MSRA: variants seen among roughly 807,000 people sequenced by gnomAD.
MSRA encodes methionine sulfoxide reductase A, also known as mitochondrial peptide methionine sulfoxide reductase.
In MSRA, 54 loss-of-function variants were observed where a neutral mutation model predicts 31.3. That is an observed-to-expected ratio of 1.73 (90% confidence interval 1.39 to 2.17). The LOEUF (loss-of-function observed/expected upper bound fraction) is 2.17, where lower values mean the gene tolerates loss of function less well. MSRA is among the 30% of genes most tolerant of loss of function. The probability of loss-of-function intolerance (pLI) is 0.00; values close to 1 mark genes in which losing one functional copy is unlikely to be tolerated. For missense variants in MSRA, 507 were observed against 300.9 expected, an observed-to-expected ratio of 1.69 and a Z score of -5.07; for synonymous variants, 169 against 116.5, an observed-to-expected ratio of 1.45 and a Z score of -2.90.
At chr8:10,290,504 G>T (rs1311672453) in intron 3 of MSRA, among the ~76,000 whole-genome samples, 3 of 152,136 alleles carry the variant, frequency 2.0e-5, no homozygotes, top group Non-Finnish European at 4.4e-5. Context: ...AGATGCCCAA[G>T]TTCGTGGTTC....
intron 1 of MSRA, among the ~76,000 whole-genome samples, chr8:10,085,274 C>G (rs1438270851): frequency 1.3e-5 from 2 of 152,198 alleles, no homozygotes; most frequent in African/African-American, 4.8e-5. Context: ...TTCCACGTTT[C>G]TGATTTCCAC....
At chr8:10,339,460 TG>T (rs545150603) in intron 5 of MSRA, among the ~76,000 whole-genome samples, 4 of 152,190 alleles carry the variant, frequency 2.6e-5, no homozygotes, top group Admixed American at 1.3e-4. Context: ...ATTCAGTGTC[TG>T]TCCTGTTCTT....
At chr8:10,351,780 C>T (rs1323527906) in intron 5 of MSRA, among the ~76,000 whole-genome samples, 1 of 152,186 alleles carries the variant, frequency 6.6e-6, no homozygotes, top group Admixed American at 6.5e-5. Context: ...TCACCGAAGT[C>T]ACCTGGGGAT....
intron 1 of MSRA, among the ~76,000 whole-genome samples, chr8:10,076,769 A>G (rs1437665228): frequency 1.3e-5 from 2 of 152,032 alleles, no homozygotes; most frequent in Non-Finnish European, 2.9e-5. Context: ...GCCTTTCCGC[A>G]AGTGTCTCCA....
intron 5 of MSRA, among the ~76,000 whole-genome samples, chr8:10,330,903 C>G (rs1415715251): frequency 1.3e-5 from 2 of 152,190 alleles, no homozygotes. Flanking sequence ...CCTCTACCCC[C>G]AGTGTGATGG....
At chr8:10,404,395 C>A (rs545340406) in intron 5 of MSRA, among the ~76,000 whole-genome samples, 1 of 152,350 alleles carries the variant, frequency 6.6e-6, no homozygotes, top group Admixed American at 6.5e-5. Flanking sequence ...AAGTGACGAT[C>A]CCGTCACCAC....
chr8:10,063,402 C>A (rs184653041), intron 1 of MSRA, among the ~76,000 whole-genome samples: 11 of 152,240 alleles, frequency 7.2e-5, no homozygotes, highest in African/African-American at 2.7e-4. Flanking sequence ...TGACACTCTT[C>A]AATGCTGGAC....
At chr8:10,266,840 A>G (rs1279834831) in intron 3 of MSRA, among the ~76,000 whole-genome samples, 1 of 152,200 alleles carries the variant, frequency 6.6e-6, no homozygotes, top group Non-Finnish European at 1.5e-5. Context: ...ATGGTGACAG[A>G]AGTCTTCTAC....
At chr8:10,404,648 G>T (rs1448812485) in intron 5 of MSRA, among the ~76,000 whole-genome samples, 1 of 152,244 alleles carries the variant, frequency 6.6e-6, no homozygotes, top group Non-Finnish European at 1.5e-5. Flanking sequence ...CTGTGCTGCC[G>T]CGCCGCCCTC....
chr8:10,290,589 C>T (rs1291982836), intron 3 of MSRA, among the ~76,000 whole-genome samples: 1 of 152,166 alleles, frequency 6.6e-6, no homozygotes, highest in African/African-American at 2.4e-5. Flanking sequence ...CCCAGCTCTC[C>T]TGTATCGGAA....
At chr8:10,418,695 G>T (rs1226011628) in intron 5 of MSRA, among the ~76,000 whole-genome samples, 1 of 151,338 alleles carries the variant, frequency 6.6e-6, no homozygotes, top group Admixed American at 6.6e-5. Context: ...CTGTAGGTCA[G>T]TTCTTCTAAG....
At chr8:10,398,083 T>C (rs1224828582) in intron 5 of MSRA, among the ~76,000 whole-genome samples, 1 of 152,130 alleles carries the variant, frequency 6.6e-6, no homozygotes, top group East Asian at 1.9e-4. Flanking sequence ...TACTTTGGAG[T>C]CTATTAAAAT....
chr8:10,372,641 C>G (rs1402972445), intron 5 of MSRA, among the ~76,000 whole-genome samples: 1 of 152,026 alleles, frequency 6.6e-6, no homozygotes, highest in Non-Finnish European at 1.5e-5. Context: ...TACAATTAGA[C>G]AAAACTAAGA....
At chr8:10,256,582 T>A (rs1798192552) in intron 3 of MSRA, among the ~76,000 whole-genome samples, 3 of 152,194 alleles carry the variant, frequency 2.0e-5, no homozygotes, top group African/African-American at 7.2e-5. Context: ...TCAAAAGCAC[T>A]TAACATTGAA....
chr8:10,196,907 G>A (rs1808041932), intron 1 of MSRA, among the ~76,000 whole-genome samples: 1 of 152,030 alleles, frequency 6.6e-6, no homozygotes, highest in African/African-American at 2.4e-5. Context: ...TAATAAGTAT[G>A]ATTTGTATAT....
intron 2 of MSRA, among the ~76,000 whole-genome samples, chr8:10,235,186 C>G (rs1235633557): frequency 6.6e-6 from 1 of 152,074 alleles, no homozygotes; most frequent in Non-Finnish European, 1.5e-5. Flanking sequence ...CAAAATAAGT[C>G]TGAACAAATT....
chr8:10,334,309 G>A (rs1303418933), intron 5 of MSRA, among the ~76,000 whole-genome samples: 5 of 152,128 alleles, frequency 3.3e-5, no homozygotes, highest in Admixed American at 2.6e-4. Context: ...ATTTCAGCTA[G>A]GGTAGGGTCT....
intron 1 of MSRA, among the ~76,000 whole-genome samples, chr8:10,167,718 G>C (rs1045963461): frequency 4.6e-5 from 7 of 152,272 alleles, no homozygotes; most frequent in East Asian, 1.9e-4. Context: ...ACGGCTGAAC[G>C]TGAAACCTCC....
intron 4 of MSRA, 39 bp downstream of exon 4, chr8:10,301,677 A>C: frequency 1.3e-6 from 2 of 1,509,436 alleles, no homozygotes; most frequent in Non-Finnish European, 1.8e-6. Context: ...TTATCTTACT[A>C]ATTACAGCTG....
Sources: gnomAD v4.1 joint callset for allele counts (sites outside exome capture counted in the v4.1 genomes callset) on GRCh38, gnomAD v4.1.1 for gene constraint, MANE v1.5 for transcripts, NCBI Gene and HGNC (gene_info 2026-07-23, HGNC 2026-07-21) for gene names.